Variants in PRPF40B observed in about 807,000 individuals in gnomAD.
The protein encoded by PRPF40B is pre-mRNA processing factor 40B, also known as pre-mRNA-processing factor 40 homolog B.
In PRPF40B, 56 loss-of-function variants were observed where a neutral mutation model predicts 124.5. The ratio of observed to expected loss-of-function variants is 0.45; its 90% CI spans 0.36 to 0.56. The LOEUF is 0.56. PRPF40B is among the 20% of genes least tolerant of loss of function. PRPF40B has a pLI of 0.00. For synonymous variants in PRPF40B, 443 were observed against 426.4 expected (o/e 1.04, Z -0.48); for missense variants, 1,053 against 1,169.5 (o/e 0.90, Z 1.45).
intron 1 of PRPF40B, 74 bp downstream of exon 1, chr12:49,623,667 A>C (rs1940407757): frequency 8.5e-6 from 9 of 1,058,414 alleles, no homozygotes; most frequent in Non-Finnish European, 9.1e-6. Flanking sequence ...GCCGTGGCCG[A>C]TGGGGCGGGG....
In PRPF40B at chr12:49,633,007, C is replaced by G. The variant is rs753144616; in HGVS notation, c.349-7C>G. 44 of 1,082,386 alleles carry G rather than the reference C, an allele frequency of 4.1e-5. No individual in the cohort carries two copies. Among genetic ancestry groups the G allele is most frequent in the African/African-American group, 1.2e-4 (7 of 60,808 alleles). 67.0% of individuals were successfully genotyped at this position (1,082,386 alleles called of 1,614,324 possible). Reference sequence around the variant, plus strand: ...GACCACCATTCTGTGCCCCCCCCCCCACCCAGAGGGCCCTATGGAGTGAGC... The same window carrying G: ...GACCACCATTCTGTGCCCCCCCCCCGACCCAGAGGGCCCTATGGAGTGAGC... On this transcript the variant is annotated splice_region_variant and splice_polypyrimidine_tract_variant and intron_variant, in intron 6 of 25. Transcript: ENST00000548825.
Position 49,637,597 on chromosome 12 carries a change from G to T in PRPF40B, c.1675+13G>T, listed in dbSNP as rs1230521917. The T allele has an allele frequency of 1.2e-6, 2 of 1,610,938 alleles. No homozygotes were observed. ...CTGGGCCAGCCGGGTAAGGCAGCCA[G>T]GCTCCCCCTTCTCTGGCCTGGCTTC... is the stretch of plus-strand genomic sequence containing the variant. On this transcript the variant is annotated intron_variant, in intron 17 of 25. Coordinates refer to ENST00000548825, the MANE Select transcript of PRPF40B (RefSeq NM_001031698.3).
At chr12:49,641,813 G>A (rs1389099608) in intron 18 of PRPF40B, 95 bp from the exon 19 acceptor site, 3 of 993,310 alleles carry the variant, frequency 3.0e-6, no homozygotes, top group Admixed American at 3.6e-5. Flanking sequence ...CCAGAGGCAA[G>A]GGCCTTCTTG....
chr12:49,637,648 C>A (rs1250444040), intron 17 of PRPF40B, 64 bp downstream of exon 17: 10 of 1,569,140 alleles, frequency 6.4e-6, no homozygotes, highest in Admixed American at 1.7e-5. Flanking sequence ...CTCTGCACCC[C>A]CTACTACCGG....
In PRPF40B at chr12:49,632,784, G is replaced by A. The variant is rs180852423; in HGVS notation, c.323-71G>A. 3.9e-3 allele frequency: 6,248 copies of A among 1,607,914 alleles called. 21 individuals are homozygous for A. The highest frequency in any genetic ancestry group is 4.8e-3 in the Non-Finnish European group (5,694 of 1,174,526). On this transcript the variant is annotated intron_variant, in intron 5 of 25. Transcript: ENST00000548825. ...GGACTATTTACTGGGGCTGGAATAC[G>A]GGAGGCATAGGTGGGAATAAGATGG...
chr12:49,625,604 T>C (rs376477528), intron 1 of PRPF40B, among the ~76,000 whole-genome samples: 395 of 152,336 alleles, frequency 2.6e-3, no homozygotes, highest in South Asian at 0.011. Flanking sequence ...CCCAGAAGTA[T>C]TGATTGCATC....
chr12:49,636,946 C>G (rs188148516), intron 16 of PRPF40B, 97 bp downstream of exon 16: 2 of 1,558,726 alleles, frequency 1.3e-6, no homozygotes, highest in African/African-American at 1.3e-5. Flanking sequence ...GCTGCCTGTT[C>G]TTTCTGTGCC....
chr12:49,634,255 T>TA (rs1273094235), intron 10 of PRPF40B, 77 bp from the exon 11 acceptor site: 1 of 1,607,470 alleles, frequency 6.2e-7, no homozygotes, highest in Admixed American at 1.7e-5. Flanking sequence ...GAGGGGGTGA[T>TA]ATGTTGCCAG....
At chr12:49,639,844 T>C (rs1383977288) in intron 18 of PRPF40B, 3 of 152,178 alleles carry the variant, frequency 2.0e-5, no homozygotes, top group Non-Finnish European at 4.4e-5. Context: ...CTGTAGAAAA[T>C]AGGAATTCTA....
intron 4 of PRPF40B, 124 bp downstream of exon 4, chr12:49,632,049 GCACTCCCCACACT>G (rs1486082914): frequency 1.1e-6 from 1 of 943,170 alleles, no homozygotes; most frequent in East Asian, 2.4e-5. Flanking sequence ...GTCCCCGGCA[GCACTCCCCACACT>G]CAAATCCTTC....
In PRPF40B at chr12:49,631,509, C is replaced by A; in HGVS notation, c.193C>A (p.Leu65Ile). The A allele has an allele frequency of 6.4e-7, 1 of 1,551,042 alleles. No homozygotes were observed. Among genetic ancestry groups the A allele is most frequent in the Non-Finnish European group, 8.7e-7 (1 of 1,154,596 alleles). Reference sequence around the variant, plus strand: ...GCCACCTGGCATCCTGCCCCCAATGCTTCCACCAATGGGGGCGCCACCACC... The same window carrying A: ...GCCACCTGGCATCCTGCCCCCAATGATTCCACCAATGGGGGCGCCACCACC... ...PMPPGILPPMLPPMGAPPPLT... is the reference protein window; with the variant it reads ...PMPPGILPPMIPPMGAPPPLT... Residue 65 changes from leucine (L) to isoleucine (I), a missense_variant, in exon 3 of 26, where the codon CTT becomes ATT. Physicochemically the swap from Leu to Ile is conservative, Grantham distance 5. Around this residue, in one of 2 missense-constraint regions of PRPF40B, gnomAD observed 158 missense variants for 117.3 expected, o/e 1.35. Coordinates refer to ENST00000548825, the MANE Select transcript of PRPF40B (RefSeq NM_001031698.3). This position sits in a 1 kb window ranked among gnomAD's most constrained non-coding sequence, Gnocchi z 4.3.
At chr12:49,634,209 T>C in intron 10 of PRPF40B, 117 bp downstream of exon 10, 1 of 1,581,994 alleles carries the variant, frequency 6.3e-7, no homozygotes, top group African/African-American at 1.3e-5. Flanking sequence ...GGGTGTGACC[T>C]CTGAAGGGCA....
intron 5 of PRPF40B, 21 bp downstream of exon 5, chr12:49,632,644 C>T: frequency 6.2e-7 from 1 of 1,613,040 alleles, no homozygotes; most frequent in Non-Finnish European, 8.5e-7. Context: ...TGGGGGCCTG[C>T]TCCCCCCAGG....
chr12:49,636,448 C>T (rs1470670672), intron 15 of PRPF40B: 3 of 485,148 alleles, frequency 6.2e-6, no homozygotes, highest in Admixed American at 3.3e-5. Flanking sequence ...CCTCAGATCC[C>T]AAGACAACCG....
At chr12:49,632,128 C>G in intron 4 of PRPF40B, 1 of 630,962 alleles carries the variant, frequency 1.6e-6, no homozygotes, top group Admixed American at 2.5e-5. Flanking sequence ...AAGGCATATA[C>G]ATTCTCTTGT....
At position 49,636,943 on chromosome 12, in the gene PRPF40B, G is replaced by A. The variant is rs1025037127; in HGVS notation, c.1560+94G>A. The A allele has an allele frequency of 4.6e-5, 72 of 1,570,292 alleles. 1 individual carries two copies. The South Asian group carries it at 8.0e-4, about 17-fold the overall frequency. ...CTGCCCCCTTCTGGATACGCTGCCT[G>A]TTCTTTCTGTGCCTAGCCCTGTCCA... On this transcript the variant is annotated intron_variant, in intron 16 of 25. Coordinates refer to ENST00000548825, the MANE Select transcript of PRPF40B (RefSeq NM_001031698.3).
At chr12:49,632,276 C>T (rs1346749735) in intron 4 of PRPF40B, 4 of 574,936 alleles carry the variant, frequency 7.0e-6, no homozygotes, top group Admixed American at 6.1e-5. Flanking sequence ...CTTGCTGTGC[C>T]TTCTTATGCT....
intron 12 of PRPF40B, chr12:49,634,883 A>G (rs1192094233): frequency 1.5e-6 from 1 of 645,984 alleles, no homozygotes; most frequent in Non-Finnish European, 2.6e-6. Context: ...GAGAACCCCA[A>G]AGGAAAAGGG....
Position 49,630,754 on chromosome 12 carries a change from A to T in PRPF40B, c.84+129A>T, listed in dbSNP as rs1414577040. On this transcript the variant is annotated intron_variant, in intron 2 of 25. Coordinates refer to ENST00000548825, the MANE Select transcript of PRPF40B (RefSeq NM_001031698.3). The stretch of plus-strand genomic sequence containing the variant: ...CCCTTTTGCTGACCTTGGAAGAGGG[A>T]TGGTTTTACTTGAGCATTGGGTTGG... The T allele has an allele frequency of 3.1e-5, 19 of 612,898 alleles. No homozygotes were observed. The Admixed American group carries it at 5.2e-4, about 17-fold the overall frequency. 38.0% of individuals were successfully genotyped at this position (612,898 alleles called of 1,614,324 possible). A position where few individuals can be genotyped will look rare whatever the true frequency, so the allele number is the denominator to read the frequency against.
Sources: allele counts gnomAD v4.1 joint callset (sites outside exome capture counted in the v4.1 genomes callset), GRCh38; gene constraint gnomAD v4.1.1; regional missense constraint gnomAD v4.1.1; non-coding constraint Gnocchi (gnomAD v3.1); transcripts MANE v1.5; gene names NCBI Gene and HGNC (gene_info 2026-07-23, HGNC 2026-07-21).